Variants in PRSS55 observed in about 807,000 individuals in gnomAD.
PRSS55 encodes serine protease 55, also known as probable serine protease UNQ9391/PRO34284.
A neutral mutation model predicts 23.6 loss-of-function variants in PRSS55; 41 were observed. The ratio of observed to expected loss-of-function variants is 1.74; its 90% CI spans 1.35 to 2.26. The LOEUF (loss-of-function observed/expected upper bound fraction) is 2.26, where lower values mean the gene tolerates loss of function less well. Ranked by LOEUF, PRSS55 falls within the 30% of genes most tolerant of loss-of-function variation. PRSS55 has a pLI of 0.00. For missense variants in PRSS55, 669 were observed against 439.1 expected (o/e 1.52, Z -4.68); for synonymous variants, 262 against 175.5 (o/e 1.49, Z -3.90).
chr8:10,532,816 G>C, intron 3 of PRSS55, 90 bp from the exon 4 acceptor site: 2 of 1,528,176 alleles, frequency 1.3e-6, no homozygotes, highest in Non-Finnish European at 1.8e-6. Context: ...GGGGCTGGGG[G>C]ACACAGGGCC....
At chr8:10,540,605 A>G (rs367903988), downstream of PRSS55, 23 of 152,282 alleles carry the variant, frequency 1.5e-4, no homozygotes, top group African/African-American at 4.8e-4. Context: ...ATCCCAGCCA[A>G]TCGGGATCCT....
intron 4 of PRSS55, among the ~76,000 whole-genome samples, chr8:10,545,822 G>A (rs1261880549): frequency 6.6e-6 from 1 of 152,214 alleles, no homozygotes; most frequent in Non-Finnish European, 1.5e-5. Context: ...CTGTTGCTCT[G>A]CAATGCAAAG....
chr8:10,526,221 C>A (rs771877538), intron 1 of PRSS55, among the ~76,000 whole-genome samples: 4 of 152,214 alleles, frequency 2.6e-5, no homozygotes, highest in Non-Finnish European at 5.9e-5. Flanking sequence ...TACCTAGCAA[C>A]TGCTAGGGGT....
Position 10,538,627 on chromosome 8 carries a change from T to TAC in PRSS55, c.893_894insAC (p.Thr299ArgfsTer4). 1 of 1,614,072 alleles carries TAC rather than the reference T, an allele frequency of 6.2e-7. No individual in the cohort carries two copies. Among genetic ancestry groups the TAC allele is most frequent in the Non-Finnish European group, 8.5e-7 (1 of 1,179,990 alleles). On this transcript the variant is annotated frameshift_variant, in exon 5 of 5. Transcript: ENST00000328655. LOFTEE classifies it low-confidence loss of function (END_TRUNC). ...AACTACAACCTCTGGATCGAGAAAG[T>TAC]GACCCAGCTAGAGGGCAGGCCCTTC...
At chr8:10,543,478 CTCTT>C (rs1269876142), downstream of PRSS55, among the ~76,000 whole-genome samples, 1 of 101,634 alleles carries the variant, frequency 9.8e-6, no homozygotes, top group African/African-American at 4.4e-5. Flanking sequence ...CTTTCTTTCT[CTCTT>C]TTTTTTTTTT....
At chr8:10,535,236 C>T (rs1410797376) in intron 4 of PRSS55, among the ~76,000 whole-genome samples, 1 of 152,080 alleles carries the variant, frequency 6.6e-6, no homozygotes, top group Non-Finnish European at 1.5e-5. Flanking sequence ...TCATATGAAA[C>T]CAGAAAAGAG....
chr8:10,552,398 C>G lies in PRSS55; in HGVS notation c.742-1545C>G, dbSNP rs141674019. Reference sequence around the variant, plus strand: ...TTAGATATGACCCCAAAAGCACAGACAGCAAAAGCAAAAAATCAGACAAAT... The same window carrying G: ...TTAGATATGACCCCAAAAGCACAGAGAGCAAAAGCAAAAAATCAGACAAAT... On this transcript the variant is annotated intron_variant, in intron 4 of 4. Coordinates refer to the PRSS55 transcript ENST00000522210. Among the ~76,000 whole-genome samples the G allele has an allele frequency of 1.3e-4, 20 of 152,286 alleles. No homozygotes were observed. The East Asian group carries it at 3.9e-3, about 29-fold the overall frequency.
downstream of PRSS55, chr8:10,540,506 G>C (rs1812620508): frequency 6.6e-6 from 1 of 152,238 alleles, no homozygotes; most frequent in African/African-American, 2.4e-5. Context: ...AAGGCCAGGA[G>C]TTCAAGACCA....
chr8:10,531,641 G>A (rs1032053301), intron 3 of PRSS55, 96 bp downstream of exon 3: 22 of 1,523,524 alleles, frequency 1.4e-5, no homozygotes, highest in Non-Finnish European at 1.9e-5. Context: ...GACTTGCATT[G>A]GAGCAGATTC....
intron 4 of PRSS55, among the ~76,000 whole-genome samples, chr8:10,537,896 G>A (rs1489237351): frequency 6.6e-6 from 1 of 152,162 alleles, no homozygotes; most frequent in Non-Finnish European, 1.5e-5. Context: ...ATGTAGACGT[G>A]GGGCATGGCA....
At chr8:10,551,303 C>A (rs1369862502) in intron 4 of PRSS55, among the ~76,000 whole-genome samples, 4 of 148,590 alleles carry the variant, frequency 2.7e-5, no homozygotes, top group Non-Finnish European at 6.0e-5. Flanking sequence ...ACACCCTTGG[C>A]TTTAAAATGC....
At chr8:10,548,864 G>C (rs1365216847) in intron 4 of PRSS55, among the ~76,000 whole-genome samples, 1 of 152,124 alleles carries the variant, frequency 6.6e-6, no homozygotes, top group Admixed American at 6.5e-5. Context: ...TGGGGACCTG[G>C]TGGTGGGGGA....
At chr8:10,533,352 G>C (rs1424990347) in intron 4 of PRSS55, among the ~76,000 whole-genome samples, 3 of 152,144 alleles carry the variant, frequency 2.0e-5, no homozygotes, top group Admixed American at 6.5e-5. Context: ...ATCCAAGGAG[G>C]ATTTGGTATC....
intron 4 of PRSS55, among the ~76,000 whole-genome samples, chr8:10,553,304 T>A (rs994730802): frequency 1.3e-5 from 2 of 152,238 alleles, no homozygotes; most frequent in African/African-American, 2.4e-5. Context: ...GAACTGTGAG[T>A]TAATTAAACC....
intron 4 of PRSS55, chr8:10,553,934 T>G (rs1256735064): frequency 2.0e-5 from 30 of 1,503,524 alleles, no homozygotes; most frequent in Non-Finnish European, 2.6e-5. Context: ...TTTAATTTTT[T>G]TTTTAAAGCA....
At chr8:10,552,974 T>C (rs1407426984) in intron 4 of PRSS55, among the ~76,000 whole-genome samples, 1 of 152,254 alleles carries the variant, frequency 6.6e-6, no homozygotes, top group Non-Finnish European at 1.5e-5. Context: ...ACTCTCATGC[T>C]TGTATTATTC....
intron 4 of PRSS55, among the ~76,000 whole-genome samples, chr8:10,536,103 G>A (rs752201949): frequency 5.3e-4 from 81 of 152,104 alleles, no homozygotes; most frequent in Non-Finnish European, 8.8e-4. Context: ...GGAGAACGGC[G>A]TGAACCCAGG....
chr8:10,531,493 C>A lies in PRSS55; in HGVS notation c.546C>A (p.Gly182=). 6.2e-7 allele frequency: 1 copy of A among 1,613,924 alleles called. No homozygotes were observed. Among genetic ancestry groups the A allele is most frequent in the Non-Finnish European group, 8.5e-7 (1 of 1,180,050 alleles). Residue 182 remains glycine (G), a synonymous_variant, in exon 3 of 5, where the codon GGC becomes GGA. Transcript: ENST00000328655. ...CCATCTGCCTCCCCACGCAGCCCGG[C>A]CCTGCCACATGGCGCGAATGCTGGG... ...KVPICLPTQP[G]PATWRECWVA...
At chr8:10,546,732 G>A (rs191266487) in intron 4 of PRSS55, among the ~76,000 whole-genome samples, 1 of 152,264 alleles carries the variant, frequency 6.6e-6, no homozygotes, top group East Asian at 1.9e-4. Context: ...TGCTCAGGCA[G>A]AAGTTCAGTG....
Sources: allele counts gnomAD v4.1 joint callset (sites outside exome capture counted in the v4.1 genomes callset), GRCh38; gene constraint gnomAD v4.1.1; transcripts MANE v1.5; gene names NCBI Gene and HGNC (gene_info 2026-07-23, HGNC 2026-07-21).